The following ADGRL3 variants were observed in gnomAD, a reference collection of about 807,000 sequenced individuals.
ADGRL3 encodes adhesion G protein-coupled receptor L3.
A neutral mutation model predicts 153.5 loss-of-function variants in ADGRL3; 62 were observed. The ratio of observed to expected loss-of-function variants is 0.40; its 90% CI spans 0.33 to 0.50. ADGRL3 has a LOEUF of 0.50. Ranked by LOEUF, ADGRL3 falls within the 20% of genes least tolerant of loss-of-function variation. The pLI is 0.47. For synonymous variants in ADGRL3, 710 were observed against 672.5 expected, an observed-to-expected ratio of 1.06 and a Z score of -0.86; for missense variants, 1,641 against 1,859.4, an observed-to-expected ratio of 0.88 and a Z score of 2.16.
At chr4:61,238,428 A>G (rs1231507516) in intron 1 of ADGRL3, among the ~76,000 whole-genome samples, 1 of 148,426 alleles carries the variant, frequency 6.7e-6, no homozygotes, top group Non-Finnish European at 1.5e-5. Context: ...ATTAAAGGGT[A>G]AATTCTAATG....
chr4:61,939,709 C>A (rs909958525), intron 15 of ADGRL3, among the ~76,000 whole-genome samples: 1 of 152,038 alleles, frequency 6.6e-6, no homozygotes, highest in Admixed American at 6.6e-5. Flanking sequence ...ACTTCGTGAT[C>A]TGCCCGCCTC....
chr4:62,009,279 G>A (rs144864244), intron 21 of ADGRL3, among the ~76,000 whole-genome samples: 84 of 151,984 alleles, frequency 5.5e-4, no homozygotes, highest in Non-Finnish European at 1.1e-3. Context: ...TATATCTTCT[G>A]GAGAAAAATT....
intron 8 of ADGRL3, among the ~76,000 whole-genome samples, chr4:61,793,883 A>G (rs1268172353): frequency 5.9e-5 from 9 of 152,232 alleles, no homozygotes; most frequent in Non-Finnish European, 1.2e-4. Flanking sequence ...AATCTATACT[A>G]TGAATGAGAA....
At chr4:61,320,631 A>G (rs1160868195) in intron 1 of ADGRL3, among the ~76,000 whole-genome samples, 1 of 152,146 alleles carries the variant, frequency 6.6e-6, no homozygotes, top group Non-Finnish European at 1.5e-5. Context: ...ATGAAGTCTA[A>G]TCCCCTTTAC....
At chr4:61,459,363 G>T (rs1365692397) in intron 2 of ADGRL3, among the ~76,000 whole-genome samples, 3 of 151,866 alleles carry the variant, frequency 2.0e-5, no homozygotes, top group African/African-American at 7.2e-5. Flanking sequence ...AATGAAAAAT[G>T]CTATGGAGGA....
intron 5 of ADGRL3, among the ~76,000 whole-genome samples, chr4:61,601,488 G>A (rs2099011398): frequency 6.6e-6 from 1 of 152,106 alleles, no homozygotes; most frequent in Admixed American, 6.5e-5. Context: ...TTCCCATGGA[G>A]AACAATAAAC....
intron 5 of ADGRL3, among the ~76,000 whole-genome samples, chr4:61,648,533 T>C (rs1189390432): frequency 6.6e-6 from 1 of 151,562 alleles, no homozygotes; most frequent in Admixed American, 6.6e-5. Context: ...TGTTTTTTTT[T>C]CTGTTTCTTT....
chr4:61,834,442 C>T (rs553979957), intron 9 of ADGRL3, among the ~76,000 whole-genome samples: 12 of 152,264 alleles, frequency 7.9e-5, no homozygotes, highest in Middle Eastern at 3.4e-3. Context: ...GTCTTTATAG[C>T]AGCATGCTTT....
At chr4:61,529,570 T>G (rs1218185637) in intron 4 of ADGRL3, among the ~76,000 whole-genome samples, 1 of 152,176 alleles carries the variant, frequency 6.6e-6, no homozygotes, top group Non-Finnish European at 1.5e-5. Context: ...AAGTAAATTA[T>G]TTTATATCTA....
chr4:61,317,717 T>C (rs2095256121), intron 1 of ADGRL3, among the ~76,000 whole-genome samples: 1 of 152,128 alleles, frequency 6.6e-6, no homozygotes, highest in Non-Finnish European at 1.5e-5. Context: ...AGGCTGAAGA[T>C]TGTAGCTTCT....
intron 4 of ADGRL3, among the ~76,000 whole-genome samples, chr4:61,552,080 A>G (rs1313020823): frequency 2.6e-5 from 4 of 152,200 alleles, no homozygotes; most frequent in African/African-American, 7.2e-5. Context: ...TTAAGTGTTT[A>G]AAATACGTGT....
At chr4:61,728,527 GAAAT>G (rs2096386671) in intron 6 of ADGRL3, among the ~76,000 whole-genome samples, 1 of 151,994 alleles carries the variant, frequency 6.6e-6, no homozygotes, top group African/African-American at 2.4e-5. Context: ...GTTGAAGAGA[GAAAT>G]AAAACTCACA....
chr4:61,610,725 T>C (rs1278858007), intron 5 of ADGRL3, among the ~76,000 whole-genome samples: 1 of 152,132 alleles, frequency 6.6e-6, no homozygotes, highest in African/African-American at 2.4e-5. Context: ...TGCTTGTCGG[T>C]GGACAGATAA....
intron 9 of ADGRL3, among the ~76,000 whole-genome samples, chr4:61,815,981 G>A (rs962054767): frequency 2.0e-5 from 3 of 152,096 alleles, no homozygotes; most frequent in South Asian, 2.1e-4. Flanking sequence ...CATCACAAAC[G>A]GACTGAGATG....
intron 1 of ADGRL3, among the ~76,000 whole-genome samples, chr4:61,210,386 C>T (rs1577861486): frequency 1.3e-5 from 2 of 152,180 alleles, no homozygotes; most frequent in East Asian, 1.9e-4. Flanking sequence ...CCCAGTGGCT[C>T]CACAGTAGCC....
At chr4:61,317,504 G>A (rs1255040597) in intron 1 of ADGRL3, among the ~76,000 whole-genome samples, 1 of 152,114 alleles carries the variant, frequency 6.6e-6, no homozygotes, top group Admixed American at 6.5e-5. Flanking sequence ...AGCTGGAAAT[G>A]GAATTTTCTA....
At chr4:61,277,466 T>C (rs1309198421) in intron 1 of ADGRL3, among the ~76,000 whole-genome samples, 2 of 152,186 alleles carry the variant, frequency 1.3e-5, no homozygotes, top group East Asian at 3.8e-4. Flanking sequence ...AATTTATTTA[T>C]GTCATATTTA....
Position 61,968,432 on chromosome 4 carries a change from A to T in ADGRL3, c.2806-11131A>T, listed in dbSNP as rs1362693390. 2.0e-5 allele frequency among the ~76,000 whole-genome samples: 3 copies of T among 152,284 alleles called. No homozygotes were observed. In the East Asian group the frequency reaches 5.8e-4, roughly 29 times the overall value. ...TCATTTACATTTCTGTCTCATGGAAATCTTTTTCTTTGTTCTCATCTGTCA... is the reference window on the plus strand; with the variant it reads ...TCATTTACATTTCTGTCTCATGGAATTCTTTTTCTTTGTTCTCATCTGTCA... On this transcript the variant is annotated intron_variant, in intron 17 of 26. Transcript: ENST00000683033.
At chr4:61,848,196 T>A (rs1480152734) in intron 9 of ADGRL3, among the ~76,000 whole-genome samples, 1 of 142,734 alleles carries the variant, frequency 7.0e-6, no homozygotes, top group East Asian at 2.0e-4. Flanking sequence ...GTAAACGTAA[T>A]AGTTCTAATT....
Sources: allele counts gnomAD v4.1 joint callset (sites outside exome capture counted in the v4.1 genomes callset), GRCh38; gene constraint gnomAD v4.1.1; transcripts MANE v1.5; gene names NCBI Gene and HGNC (gene_info 2026-07-23, HGNC 2026-07-21).